Variants in FAM117B observed in about 807,000 individuals in gnomAD.
FAM117B encodes family with sequence similarity 117 member B, also known as protein FAM117B.
FAM117B carries 22 observed loss-of-function variants against 52.8 expected under a neutral mutation model. That is an observed-to-expected ratio of 0.42 (90% confidence interval 0.30 to 0.59). FAM117B has a LOEUF of 0.59. FAM117B is among the 20% of genes least tolerant of loss of function. The probability of loss-of-function intolerance (pLI) is 0.22; values close to 1 mark genes in which losing one functional copy is unlikely to be tolerated. For missense variants in FAM117B, 678 were observed against 802.6 expected (o/e 0.84, Z 1.88); for synonymous variants, 309 against 324.1 (o/e 0.95, Z 0.50).
chr2:202,709,852 C>T (rs1404182853), intron 2 of FAM117B, among the ~76,000 whole-genome samples: 1 of 152,130 alleles, frequency 6.6e-6, no homozygotes, highest in Non-Finnish European at 1.5e-5. Flanking sequence ...CTTTCTTTTG[C>T]ATGAGGATAT....
intron 1 of FAM117B, among the ~76,000 whole-genome samples, chr2:202,665,502 C>A (rs1180390899): frequency 1.3e-5 from 2 of 152,208 alleles, no homozygotes; most frequent in Non-Finnish European, 2.9e-5. Flanking sequence ...TGATTAGCAA[C>A]CTTAATTTCA....
At chr2:202,680,464 T>C (rs754115230) in intron 1 of FAM117B, among the ~76,000 whole-genome samples, 9 of 152,276 alleles carry the variant, frequency 5.9e-5, no homozygotes, top group African/African-American at 2.2e-4. Context: ...TTCCTGACTT[T>C]ATAAAAACTA....
intron 1 of FAM117B, among the ~76,000 whole-genome samples, chr2:202,662,951 A>G (rs1227990482): frequency 6.6e-6 from 1 of 152,238 alleles, no homozygotes; most frequent in Non-Finnish European, 1.5e-5. Flanking sequence ...TCACACTCTT[A>G]TCCTGTAAAC....
chr2:202,722,339 G>C (rs895910542), intron 2 of FAM117B, among the ~76,000 whole-genome samples: 2 of 152,048 alleles, frequency 1.3e-5, no homozygotes, highest in Non-Finnish European at 2.9e-5. Flanking sequence ...ACTTAAACAT[G>C]TTTGTTTAAC....
chr2:202,756,631 T>A (rs1250412107), intron 5 of FAM117B, among the ~76,000 whole-genome samples: 1 of 152,060 alleles, frequency 6.6e-6, no homozygotes, highest in Non-Finnish European at 1.5e-5. Context: ...TCCTGCTTGA[T>A]GGGGTACAGA....
chr2:202,717,092 G>C (rs1431197677), intron 2 of FAM117B, among the ~76,000 whole-genome samples: 2 of 152,196 alleles, frequency 1.3e-5, no homozygotes, highest in Non-Finnish European at 2.9e-5. Context: ...GGGCATTGAA[G>C]AGTTAGGTAT....
intron 2 of FAM117B, among the ~76,000 whole-genome samples, chr2:202,720,479 A>G (rs1390180458): frequency 1.3e-5 from 2 of 151,748 alleles, no homozygotes; most frequent in African/African-American, 4.8e-5. Context: ...ATCCCTACAT[A>G]TTTTGATATG....
chr2:202,673,441 T>G (rs1190127134), intron 1 of FAM117B, among the ~76,000 whole-genome samples: 3 of 115,240 alleles, frequency 2.6e-5, no homozygotes, highest in Admixed American at 8.7e-5. Flanking sequence ...CTGTTTTTTT[T>G]TTTTTTTTTT....
At chr2:202,747,473 G>A (rs1474092280) in intron 4 of FAM117B, among the ~76,000 whole-genome samples, 1 of 151,916 alleles carries the variant, frequency 6.6e-6, no homozygotes, top group Non-Finnish European at 1.5e-5. Context: ...AAGACAGAAA[G>A]TCAAATTTTT....
intron 1 of FAM117B, 70 bp downstream of exon 1, chr2:202,635,858 C>A (rs1689676446): frequency 1.5e-6 from 2 of 1,325,020 alleles, no homozygotes; most frequent in African/African-American, 1.5e-5. Context: ...GCGCTGCAAT[C>A]GCGCGGGGAC....
rs567562707 is a variant in FAM117B at position 202,635,317 on chromosome 2, A to AAGCAGCAGC, written c.141_149dup (p.Gln48_Gln50dup). The AAGCAGCAGC allele has an allele frequency of 1.4e-6, 2 of 1,404,232 alleles. No homozygotes were observed. The highest frequency in any genetic ancestry group is 2.7e-5 in the Admixed American group (1 of 36,674). The allele number at this position is 1,404,232 out of a possible 1,614,324, so 87.0% of individuals were successfully genotyped here. Reference sequence around the variant, plus strand: ...GAGGGCGACGGTTCCGTTCCAGCTGAAGCAGCAGCAGCAGCAGCAACATGG... The same window carrying AAGCAGCAGC: ...GAGGGCGACGGTTCCGTTCCAGCTGAAGCAGCAGCAGCAGCAGCAGCAGCAGCAACATGG... On this transcript the variant is annotated inframe_insertion, in exon 1 of 8. Transcript: ENST00000392238.
chr2:202,722,190 T>G (rs1691166384), intron 2 of FAM117B, among the ~76,000 whole-genome samples: 1 of 151,850 alleles, frequency 6.6e-6, no homozygotes, highest in South Asian at 2.1e-4. Context: ...TTTTGTACTT[T>G]TTGTAGAGAC....
chr2:202,641,734 G>A (rs1051286107), intron 1 of FAM117B, among the ~76,000 whole-genome samples: 1 of 151,402 alleles, frequency 6.6e-6, no homozygotes, highest in African/African-American at 2.4e-5. Context: ...CGCCTCCTGG[G>A]TTCAAGCGAT....
intron 1 of FAM117B, among the ~76,000 whole-genome samples, chr2:202,659,705 C>G (rs552485408): frequency 1.0e-3 from 152 of 149,224 alleles, no homozygotes; most frequent in African/African-American, 3.7e-3. Flanking sequence ...ACCTCCGCCT[C>G]CCGGGTTCAA....
intron 1 of FAM117B, among the ~76,000 whole-genome samples, chr2:202,640,293 AAAAT>A (rs1205514228): frequency 0.019 from 1,191 of 61,628 alleles, 125 homozygotes; most frequent in Non-Finnish European, 0.027. Flanking sequence ...CCACCACCAC[AAAAT>A]ATATATATAT....
At chr2:202,647,809 TTC>T (rs1268678273) in intron 1 of FAM117B, among the ~76,000 whole-genome samples, 1 of 152,208 alleles carries the variant, frequency 6.6e-6, no homozygotes, top group African/African-American at 2.4e-5. Flanking sequence ...TGTATTTTTA[TTC>T]TGTTAGTATT....
At chr2:202,720,302 C>T (rs1384336092) in intron 2 of FAM117B, among the ~76,000 whole-genome samples, 3 of 151,220 alleles carry the variant, frequency 2.0e-5, no homozygotes, top group Non-Finnish European at 4.4e-5. Context: ...GATTTTTCTC[C>T]TTTTTATTAT....
At chr2:202,694,473 G>C (rs1690679184) in intron 1 of FAM117B, among the ~76,000 whole-genome samples, 1 of 151,862 alleles carries the variant, frequency 6.6e-6, no homozygotes, top group African/African-American at 2.4e-5. Context: ...TTACAGGCTT[G>C]AGCCACCACG....
At chr2:202,644,720 G>A (rs1689834588) in intron 1 of FAM117B, among the ~76,000 whole-genome samples, 1 of 152,154 alleles carries the variant, frequency 6.6e-6, no homozygotes, top group Admixed American at 6.5e-5. Flanking sequence ...TAGAATTGTA[G>A]GTTGGAAATA....
Sources: gnomAD v4.1 joint callset for allele counts (sites outside exome capture counted in the v4.1 genomes callset) on GRCh38, gnomAD v4.1.1 for gene constraint, MANE v1.5 for transcripts, NCBI Gene and HGNC (gene_info 2026-07-23, HGNC 2026-07-21) for gene names.